Variants in ARID1B observed in about 807,000 individuals in gnomAD.
ARID1B encodes AT-rich interaction domain 1B, also known as AT-rich interactive domain-containing protein 1B.
In ARID1B, 30 loss-of-function variants were observed where a neutral mutation model predicts 212.3. The observed-to-expected ratio is 0.14, with a 90% CI of 0.11 to 0.19. The LOEUF (loss-of-function observed/expected upper bound fraction) is 0.19. ARID1B is among the 10% of genes least tolerant of loss of function. The probability of loss-of-function intolerance (pLI) is 1.00; values close to 1 mark genes in which losing one functional copy is unlikely to be tolerated. For synonymous variants in ARID1B, 1,402 were observed against 1,301.7 expected (o/e 1.08, Z -1.66); for missense variants, 2,891 against 3,204.0 (o/e 0.90, Z 2.36).
rs1778761608 is a variant in ARID1B at position 156,778,025 on chromosome 6, C to T, written c.345C>T (p.Ala115=). The T allele has an allele frequency of 2.0e-6, 3 of 1,534,216 alleles. No homozygotes were observed. ...CTCTCAAGGAGGGTGGAAGCGCCGC[C>T]GCGCTGTCCTCCTCCTCCTCCTCCT... ...EAALKEGGSA[A]ALSSSSSSSA... The change falls in exon 1 of 20, where the codon GCC becomes GCT. Residue 115 remains alanine (A), a synonymous_variant. Transcript: ENST00000636930.
intron 4 of ARID1B, among the ~76,000 whole-genome samples, chr6:157,070,513 CAT>C (rs1453971836): frequency 6.6e-6 from 1 of 152,152 alleles, no homozygotes; most frequent in Non-Finnish European, 1.5e-5. Context: ...CAGTTTATAA[CAT>C]ATGTCAGCAT....
intron 3 of ARID1B, among the ~76,000 whole-genome samples, chr6:156,915,510 G>A (rs770731130): frequency 6.6e-6 from 1 of 151,924 alleles, no homozygotes; most frequent in Non-Finnish European, 1.5e-5. Flanking sequence ...AGAGGTCGCA[G>A]TGAGCTGAGA....
At chr6:157,189,806 A>G in intron 14 of ARID1B, 26 bp downstream of exon 14, 1 of 1,612,736 alleles carries the variant, frequency 6.2e-7, no homozygotes. Context: ...TCTGTGAGGC[A>G]TACAAAGTCA....
chr6:157,189,730 T>C lies in ARID1B; in HGVS notation c.4008T>C (p.Pro1336=). 3 of 1,614,088 alleles carry C rather than the reference T, an allele frequency of 1.9e-6. No individual in the cohort carries two copies. Among genetic ancestry groups the C allele is most frequent in the Non-Finnish European group, 2.5e-6 (3 of 1,180,006 alleles). ...MAEVPGDLKP[P]TPASTPHGQM... Reference sequence around the variant, plus strand: ...AGGTTCCAGGTGACCTGAAGCCACCTACCCCAGCCTCCACCCCTCACGGCC... The same window carrying C: ...AGGTTCCAGGTGACCTGAAGCCACCCACCCCAGCCTCCACCCCTCACGGCC... The change falls in exon 14 of 20, where the codon CCT becomes CCC. Residue 1336 remains proline, a synonymous_variant. Transcript: ENST00000636930.
intron 4 of ARID1B, among the ~76,000 whole-genome samples, chr6:157,082,275 G>A (rs544170491): frequency 3.0e-4 from 46 of 152,176 alleles, no homozygotes; most frequent in Non-Finnish European, 4.1e-4. Flanking sequence ...GATGGTGTGA[G>A]TACACGTGGT....
chr6:156,909,086 A>G (rs1376322699), intron 3 of ARID1B, among the ~76,000 whole-genome samples: 1 of 150,094 alleles, frequency 6.7e-6, no homozygotes, highest in Non-Finnish European at 1.5e-5. Flanking sequence ...TGTGTATAAA[A>G]CGTAAGGGCA....
chr6:156,904,291 G>A (rs542309432), intron 3 of ARID1B, among the ~76,000 whole-genome samples: 1 of 151,842 alleles, frequency 6.6e-6, no homozygotes, highest in African/African-American at 2.4e-5. Flanking sequence ...ATATTTTCTA[G>A]AGATCTTTCC....
chr6:156,892,690 G>A (rs2128190358), intron 2 of ARID1B, among the ~76,000 whole-genome samples: 1 of 152,258 alleles, frequency 6.6e-6, no homozygotes, highest in Non-Finnish European at 1.5e-5. Context: ...TTTCCAGCCA[G>A]GCCCCATATC....
rs980636558 is a variant in ARID1B, at chr6:157,200,500, T to A, written c.4480-205T>A. Reference sequence around the variant, plus strand: ...GTTTCAAACACGTGAAAACAAACTTTGGATGCTCTCTCCTCAGTGTGTGAC... The same window carrying A: ...GTTTCAAACACGTGAAAACAAACTTAGGATGCTCTCTCCTCAGTGTGTGAC... On this transcript the variant is annotated intron_variant, in intron 17 of 19. Coordinates refer to ENST00000636930, the MANE Select transcript of ARID1B (RefSeq NM_001374828.1). The surrounding 1 kb of genome is among the most constrained non-coding windows in gnomAD (Gnocchi z 4.3). Among the ~76,000 whole-genome samples the A allele has an allele frequency of 6.6e-6, 1 of 152,150 alleles. No homozygotes were observed. Among genetic ancestry groups the A allele is most frequent in the African/African-American group, 2.4e-5 (1 of 41,440 alleles).
Position 157,201,242 on chromosome 6 carries a change from A to G in ARID1B, c.5017A>G (p.Ile1673Val), listed in dbSNP as rs370174322. ...YQTPPSLPNH[I>V]SRAPSPASFQ... Reference sequence around the variant, plus strand: ...GACGCCACCGTCACTGCCAAATCACATCTCCAGGGCGCCCAGCCCAGCGTC... The same window carrying G: ...GACGCCACCGTCACTGCCAAATCACGTCTCCAGGGCGCCCAGCCCAGCGTC... The change falls in exon 18 of 20, where the codon ATC becomes GTC. Residue 1673 changes from isoleucine (I) to valine (V), a missense_variant. By Grantham distance (29) the Ile-to-Val change is conservative (BLOSUM62 3). Transcript: ENST00000636930. The surrounding 1 kb of genome is among the most constrained non-coding windows in gnomAD (Gnocchi z 5.2). 1.2e-6 allele frequency: 2 copies of G among 1,613,700 alleles called. No homozygotes were observed. The highest frequency in any genetic ancestry group is 1.7e-6 in the Non-Finnish European group (2 of 1,179,894).
intron 12 of ARID1B, among the ~76,000 whole-genome samples, chr6:157,182,236 A>C (rs1431599316): frequency 6.6e-6 from 1 of 152,228 alleles, no homozygotes; most frequent in African/African-American, 2.4e-5. Context: ...TTGACAGAGC[A>C]AGACCCTGTC....
In ARID1B at chr6:156,921,780, A is replaced by G. The variant is rs1303154825; in HGVS notation, c.2137-13686A>G. Among the ~76,000 whole-genome samples, 4 of 152,352 alleles carry G rather than the reference A, an allele frequency of 2.6e-5. No homozygotes were observed. The East Asian group carries it at 5.8e-4, about 22-fold the overall frequency. ...CTTGTGCTTCTTGCATTTTGAAAGC[A>G]TTATTGATACAATGCAAAACAACAG... On this transcript the variant is annotated intron_variant, in intron 3 of 19. Coordinates refer to ENST00000636930, the MANE Select transcript of ARID1B (RefSeq NM_001374828.1).
chr6:156,809,310 A>C (rs1781400804), intron 1 of ARID1B, among the ~76,000 whole-genome samples: 1 of 152,168 alleles, frequency 6.6e-6, no homozygotes, highest in Non-Finnish European at 1.5e-5. Flanking sequence ...TGTACACAGG[A>C]TGTTATAATG....
At chr6:156,882,720 T>A (rs1787199553) in intron 2 of ARID1B, among the ~76,000 whole-genome samples, 1 of 152,234 alleles carries the variant, frequency 6.6e-6, no homozygotes, top group African/African-American at 2.4e-5. Flanking sequence ...TGAGATCGTC[T>A]GTGTGAAAAT....
At chr6:157,162,809 C>T (rs958397378) in intron 8 of ARID1B, among the ~76,000 whole-genome samples, 6 of 152,204 alleles carry the variant, frequency 3.9e-5, no homozygotes, top group Non-Finnish European at 8.8e-5. Context: ...CAACCAGGGT[C>T]ACCCCCACAG....
At chr6:157,044,969 T>A (rs1460268099) in intron 4 of ARID1B, among the ~76,000 whole-genome samples, 4 of 152,150 alleles carry the variant, frequency 2.6e-5, no homozygotes, top group African/African-American at 9.7e-5. Context: ...TAACAGCCAT[T>A]TATATAATAT....
rs1380922596 is a variant in ARID1B, at chr6:156,831,952, AAAT to A, written c.1986+2535_1986+2537del. On this transcript the variant is annotated intron_variant, in intron 2 of 19. Transcript: ENST00000636930. ...ATGAGTTAATCAAAGTCATGGGTCT[AAAT>A]AATCTGTATTGCCTTTTTACCTTTT... 3.9e-5 allele frequency among the ~76,000 whole-genome samples: 6 copies of A among 152,374 alleles called. No homozygotes were observed. The East Asian group carries it at 1.2e-3, about 29-fold the overall frequency.
intron 1 of ARID1B, among the ~76,000 whole-genome samples, chr6:156,811,501 C>T (rs4870492): frequency 0.29 from 44,121 of 152,040 alleles, 6,701 homozygotes; most frequent in Non-Finnish European, 0.34. Flanking sequence ...GCTGGCAGTC[C>T]GAGATCAAGG....
intron 4 of ARID1B, among the ~76,000 whole-genome samples, chr6:157,073,049 A>G (rs1784084825): frequency 6.6e-6 from 1 of 152,048 alleles, no homozygotes; most frequent in South Asian, 2.1e-4. Flanking sequence ...TATCTGATAA[A>G]TATTTGATAA....
Sources: allele counts gnomAD v4.1 joint callset (sites outside exome capture counted in the v4.1 genomes callset), GRCh38; gene constraint gnomAD v4.1.1; non-coding constraint Gnocchi (gnomAD v3.1); transcripts MANE v1.5; gene names NCBI Gene and HGNC (gene_info 2026-07-23, HGNC 2026-07-21).